Variants in RALGAPA2 observed in about 807,000 individuals in gnomAD.
RALGAPA2 encodes the protein Ral GTPase activating protein catalytic subunit alpha 2, also known as ral GTPase-activating protein subunit alpha-2.
Under a neutral mutation model 230.4 loss-of-function variants are expected in RALGAPA2, and 139 were observed. The observed-to-expected ratio is 0.60, with a 90% confidence interval of 0.53 to 0.69. The LOEUF (loss-of-function observed/expected upper bound fraction) is 0.69, where lower values mean the gene tolerates loss of function less well. RALGAPA2 is among the 30% of genes least tolerant of loss of function. The pLI, the probability that RALGAPA2 is intolerant of heterozygous loss-of-function variation, is 0.00. For synonymous variants in RALGAPA2, 847 were observed against 837.8 expected (o/e 1.01, Z -0.19); for missense variants, 2,163 against 2,276.0 (o/e 0.95, Z 1.01).
intron 37 of RALGAPA2, among the ~76,000 whole-genome samples, chr20:20,436,549 T>TCC (rs1309970304): frequency 6.6e-6 from 1 of 152,124 alleles, no homozygotes; most frequent in African/African-American, 2.4e-5. Context: ...GTCCCTGCCA[T>TCC]CAGCCGGTCC....
chr20:20,712,371 TCACCCAGCAGCGCCC>T lies in RALGAPA2; in HGVS notation c.95_106+3del. On this transcript the variant is annotated splice_donor_variant and splice_donor_region_variant and coding_sequence_variant and intron_variant, in exon 1 of 40. Transcript: ENST00000202677. LOFTEE classifies it high-confidence loss of function. The surrounding 1 kb of genome is among the most constrained non-coding windows in gnomAD (Gnocchi z 5.5). ...CCGACCCCCGCGCCCGGCGCGCGCCTCACCCAGCAGCGCCCGCAGGTGCTTCAGGCGGGTCAGCAC... is the reference window on the plus strand; with the variant it reads ...CCGACCCCCGCGCCCGGCGCGCGCCTGCAGGTGCTTCAGGCGGGTCAGCAC... 6.5e-7 allele frequency: 1 copy of T among 1,535,116 alleles called. No individual in the cohort carries two copies. The highest frequency in any genetic ancestry group is 8.8e-7 in the Non-Finnish European group (1 of 1,137,956).
In RALGAPA2 at chr20:20,393,048, A is replaced by C. The variant is rs1471905113; in HGVS notation, c.*241T>G. The stretch of plus-strand genomic sequence containing the variant: ...GGACAAGATGATACAGCCTAGTTTG[A>C]GTCCCATCTGAGACACGGTAGTGGG... On this transcript the variant is annotated 3_prime_UTR_variant, in exon 40 of 40. Coordinates refer to ENST00000202677, the MANE Select transcript of RALGAPA2 (RefSeq NM_020343.4). 7.0e-6 allele frequency: 9 copies of C among 1,282,380 alleles called. No individual in the cohort carries two copies. In the African/African-American group the frequency reaches 1.4e-4, roughly 20 times the overall value. The allele number at this position is 1,282,380 out of a possible 1,614,324, so 79.4% of individuals were successfully genotyped here. A position where few individuals can be genotyped will look rare whatever the true frequency, so the allele number is the denominator to read the frequency against.
chr20:20,618,534 T>C (rs1450628400), intron 12 of RALGAPA2, among the ~76,000 whole-genome samples: 2 of 150,992 alleles, frequency 1.3e-5, no homozygotes, highest in Admixed American at 6.6e-5. Context: ...TGACAGAAAA[T>C]TAGAAAAATG....
At chr20:20,708,512 C>T (rs1352911143) in intron 1 of RALGAPA2, among the ~76,000 whole-genome samples, 2 of 152,186 alleles carry the variant, frequency 1.3e-5, no homozygotes, top group Non-Finnish European at 2.9e-5. Flanking sequence ...CCTGCACAAG[C>T]TCTCTTGCCT....
At chr20:20,560,927 C>G (rs1302179581) in intron 23 of RALGAPA2, among the ~76,000 whole-genome samples, 1 of 152,214 alleles carries the variant, frequency 6.6e-6, no homozygotes, top group East Asian at 1.9e-4. Context: ...ACTATCTTTC[C>G]CTTCCCAAAG....
intron 36 of RALGAPA2, among the ~76,000 whole-genome samples, chr20:20,491,266 A>T (rs1271342065): frequency 6.6e-6 from 1 of 152,160 alleles, no homozygotes; most frequent in African/African-American, 2.4e-5. Context: ...CGTATGTACC[A>T]GGGCTGAGTA....
At position 20,667,285 on chromosome 20, in the gene RALGAPA2, T is replaced by A. The variant is rs151123328; in HGVS notation, c.270+8951A>T. Among the ~76,000 whole-genome samples, 7 of 152,286 alleles carry A rather than the reference T, an allele frequency of 4.6e-5. 1 individual carries two copies. In the East Asian group the frequency reaches 1.4e-3, roughly 29 times the overall value. On this transcript the variant is annotated intron_variant, in intron 3 of 39. Transcript: ENST00000202677. ...TTAGGGGCTAAATCCACTATCTATA[T>A]AAGCTCACCTGGAGCAATGAAGAAC...
At chr20:20,697,743 C>A (rs924299380) in intron 1 of RALGAPA2, among the ~76,000 whole-genome samples, 1 of 152,122 alleles carries the variant, frequency 6.6e-6, no homozygotes, top group African/African-American at 2.4e-5. Context: ...ATGCTAGAGA[C>A]CACCACACCT....
intron 4 of RALGAPA2, among the ~76,000 whole-genome samples, chr20:20,648,950 G>A (rs1603195194): frequency 6.6e-6 from 1 of 152,168 alleles, no homozygotes; most frequent in Non-Finnish European, 1.5e-5. Context: ...GTGAAAGAAA[G>A]AGGCTGAGGT....
chr20:20,560,134 AG>A (rs1336683125), intron 23 of RALGAPA2, among the ~76,000 whole-genome samples: 1 of 152,120 alleles, frequency 6.6e-6, no homozygotes, highest in Non-Finnish European at 1.5e-5. Flanking sequence ...CCAAGAGCAC[AG>A]GGCTCTTGCA....
At chr20:20,588,689 A>C (rs1179348656) in intron 18 of RALGAPA2, among the ~76,000 whole-genome samples, 3 of 152,210 alleles carry the variant, frequency 2.0e-5, no homozygotes, top group Admixed American at 2.0e-4. Flanking sequence ...GAGGGGAGCA[A>C]GGAGAGGCCT....
intron 18 of RALGAPA2, 129 bp downstream of exon 18, chr20:20,589,139 T>A: frequency 8.0e-7 from 1 of 1,242,622 alleles, no homozygotes; most frequent in Non-Finnish European, 1.1e-6. Flanking sequence ...CTCAACATCA[T>A]TTGGGCCTAT....
intron 3 of RALGAPA2, among the ~76,000 whole-genome samples, chr20:20,669,421 T>G (rs2068062115): frequency 6.6e-6 from 1 of 152,156 alleles, no homozygotes; most frequent in Admixed American, 6.5e-5. Context: ...AGATAGTGGC[T>G]CAGAGCATGT....
chr20:20,522,173 C>T (rs1453135236), intron 30 of RALGAPA2, among the ~76,000 whole-genome samples: 1 of 151,604 alleles, frequency 6.6e-6, no homozygotes, highest in Non-Finnish European at 1.5e-5. Flanking sequence ...TTGGTGTTCA[C>T]CAATAAGGCA....
intron 11 of RALGAPA2, 68 bp downstream of exon 11, chr20:20,620,395 T>C (rs1307156009): frequency 6.6e-7 from 1 of 1,513,532 alleles, no homozygotes; most frequent in African/African-American, 1.4e-5. Flanking sequence ...ACAAGACTCT[T>C]GACTGAGCAA....
At chr20:20,666,053 T>C (rs147578694) in intron 3 of RALGAPA2, among the ~76,000 whole-genome samples, 1,707 of 152,342 alleles carry the variant, frequency 0.011, 44 homozygotes, top group African/African-American at 0.04. Flanking sequence ...GCCACAAGTA[T>C]GGCTGGCATT....
intron 14 of RALGAPA2, among the ~76,000 whole-genome samples, chr20:20,606,125 C>T (rs1267703143): frequency 6.6e-6 from 1 of 152,142 alleles, no homozygotes; most frequent in Non-Finnish European, 1.5e-5. Context: ...TCCCTTGAAC[C>T]CAGATTCCCC....
intron 31 of RALGAPA2, among the ~76,000 whole-genome samples, chr20:20,516,447 A>G (rs933104197): frequency 1.3e-5 from 2 of 152,224 alleles, no homozygotes; most frequent in Non-Finnish European, 2.9e-5. Flanking sequence ...GCATCTACAG[A>G]TGGAATAACA....
intron 18 of RALGAPA2, among the ~76,000 whole-genome samples, chr20:20,588,809 GT>G (rs1430160200): frequency 6.6e-6 from 1 of 151,906 alleles, no homozygotes; most frequent in Non-Finnish European, 1.5e-5. Flanking sequence ...ATGGGCTTAT[GT>G]TTTAATTTTC....
Sources: gnomAD v4.1 joint callset for allele counts (sites outside exome capture counted in the v4.1 genomes callset) on GRCh38, gnomAD v4.1.1 for gene constraint, Gnocchi (gnomAD v3.1) non-coding constraint, MANE v1.5 for transcripts, NCBI Gene and HGNC (gene_info 2026-07-23, HGNC 2026-07-21) for gene names.